The following PTPA variants were observed in gnomAD, a reference collection of about 807,000 sequenced individuals.
PTPA encodes the protein serine/threonine-protein phosphatase 2A activator.
A neutral mutation model predicts 43.6 loss-of-function variants in PTPA; 13 were observed. That is an observed-to-expected ratio of 0.30 (90% CI 0.19 to 0.47). PTPA has a LOEUF of 0.47. Among genes scored for constraint, PTPA ranks in the 20% least tolerant of loss-of-function variants. The probability of loss-of-function intolerance (pLI) is 0.99; values close to 1 mark genes in which losing one functional copy is unlikely to be tolerated. For missense variants in PTPA, 329 were observed against 411.9 expected, an observed-to-expected ratio of 0.80 and a Z score of 1.74; for synonymous variants, 172 against 158.2, an observed-to-expected ratio of 1.09 and a Z score of -0.66.
At chr9:129,114,884 C>A in intron 1 of PTPA, among the ~76,000 whole-genome samples, 1 of 152,176 alleles carries the variant, frequency 6.6e-6, no homozygotes, top group East Asian at 1.9e-4. Flanking sequence ...TGTGTTTCAT[C>A]AGTAATTTGT....
In PTPA at chr9:129,120,586, C is replaced by G. The variant is rs959552475; in HGVS notation, c.105C>G (p.Asp35Glu). 1.2e-6 allele frequency: 2 copies of G among 1,613,544 alleles called. No individual in the cohort carries two copies. Among genetic ancestry groups the G allele is most frequent in the Non-Finnish European group, 1.7e-6 (2 of 1,179,550 alleles). ...IPKKEIHTVPDMGKWKRSQAY... is the reference protein window; with the variant it reads ...IPKKEIHTVPEMGKWKRSQAY... ...AAAAGGAGATCCACACAGTTCCAGACATGGGCAAATGGAAGCGTTCTCAGG... is the reference window on the plus strand; with the variant it reads ...AAAAGGAGATCCACACAGTTCCAGAGATGGGCAAATGGAAGCGTTCTCAGG... Residue 35 changes from aspartate (D) to glutamate (E), a missense_variant, in exon 2 of 10, where the codon GAC (aspartate) becomes GAG (glutamate). Asp to Glu is a conservative substitution (Grantham distance 45, BLOSUM62 2). Coordinates refer to ENST00000393370, the MANE Select transcript of PTPA (RefSeq NM_178000.3).
chr9:129,143,006 T>A, intron 9 of PTPA: 1 of 1,199,434 alleles, frequency 8.3e-7, no homozygotes, highest in East Asian at 2.6e-5. Context: ...TGGTGGGAGG[T>A]CTGAGGGTAG....
chr9:129,124,131 C>T (rs1849428052), intron 3 of PTPA, among the ~76,000 whole-genome samples: 1 of 152,228 alleles, frequency 6.6e-6, no homozygotes, highest in South Asian at 2.1e-4. Flanking sequence ...GGCAGCCCCT[C>T]CTGACAGTGG....
At chr9:129,115,255 T>C in intron 1 of PTPA, among the ~76,000 whole-genome samples, 1 of 152,222 alleles carries the variant, frequency 6.6e-6, no homozygotes. Flanking sequence ...TTTGGCATCT[T>C]AGTTGAAGTG....
At chr9:129,126,969 A>G (rs1190691150) in intron 3 of PTPA, among the ~76,000 whole-genome samples, 1 of 152,072 alleles carries the variant, frequency 6.6e-6, no homozygotes, top group Non-Finnish European at 1.5e-5. Flanking sequence ...GGGGCTGACT[A>G]GTGCTTCCTG....
intron 7 of PTPA, among the ~76,000 whole-genome samples, chr9:129,137,238 C>T (rs1850432113): frequency 6.6e-6 from 1 of 152,240 alleles, no homozygotes; most frequent in Non-Finnish European, 1.5e-5. Context: ...TGCGAAGGGT[C>T]TGCCAGCATG....
At chr9:129,144,383 C>T (rs904469584) in intron 9 of PTPA, among the ~76,000 whole-genome samples, 1 of 152,068 alleles carries the variant, frequency 6.6e-6, no homozygotes, top group Non-Finnish European at 1.5e-5. Context: ...TTGAGGCCGG[C>T]GCTGTGTGGG....
At chr9:129,112,650 A>G (rs894477130) in intron 1 of PTPA, among the ~76,000 whole-genome samples, 6 of 152,206 alleles carry the variant, frequency 3.9e-5, no homozygotes, top group Non-Finnish European at 8.8e-5. Context: ...CCTTAGAACA[A>G]GGATGTCCAG....
intron 4 of PTPA, among the ~76,000 whole-genome samples, 178 bp from the exon 5 acceptor site, chr9:129,131,344 C>T (rs1230081524): frequency 6.6e-6 from 1 of 152,230 alleles, no homozygotes; most frequent in Non-Finnish European, 1.5e-5. Flanking sequence ...CCTGGGTAGT[C>T]TTCTGCTGTG....
In PTPA at chr9:129,147,832, A is replaced by G; in HGVS notation, c.*368A>G. Reference sequence around the variant, plus strand: ...CAGCACCGCAGGGAAGGGAGGAGAGATACCTGCTGCTTCCATTGCTTTTCC... The same window carrying G: ...CAGCACCGCAGGGAAGGGAGGAGAGGTACCTGCTGCTTCCATTGCTTTTCC... On this transcript the variant is annotated 3_prime_UTR_variant, in exon 10 of 10. Transcript: ENST00000393370. 4.2e-6 allele frequency: 1 copy of G among 238,080 alleles called. No individual in the cohort carries two copies. Among genetic ancestry groups the G allele is most frequent in the Non-Finnish European group, 8.4e-6 (1 of 119,084 alleles). The allele number at this position is 238,080 out of a possible 1,614,324, so 14.7% of individuals were successfully genotyped here.
chr9:129,117,426 C>T (rs552732400), intron 1 of PTPA, among the ~76,000 whole-genome samples: 5 of 152,106 alleles, frequency 3.3e-5, no homozygotes, highest in East Asian at 1.9e-4. Context: ...AAATTTGAGA[C>T]GGAGTCTTGC....
intron 3 of PTPA, among the ~76,000 whole-genome samples, chr9:129,127,730 G>C (rs1478304801): frequency 1.3e-5 from 2 of 152,178 alleles, no homozygotes; most frequent in Non-Finnish European, 2.9e-5. Flanking sequence ...GGTGTAGGGG[G>C]ATGGGCTCTC....
At chr9:129,120,693 C>T in intron 2 of PTPA, 83 bp downstream of exon 2, 1 of 1,212,894 alleles carries the variant, frequency 8.2e-7, no homozygotes, top group East Asian at 2.4e-5. Flanking sequence ...AGTTCCTGGC[C>T]CTTCTTGCTC....
chr9:129,143,401 C>T (rs1398576240), intron 9 of PTPA: 6 of 702,958 alleles, frequency 8.5e-6, no homozygotes, highest in African/African-American at 5.2e-5. Context: ...AGTTCATGGC[C>T]TCAGACACTG....
rs34643669 is a variant in PTPA at position 129,134,860 on chromosome 9, G to A, written c.526G>A (p.Asp176Asn). The change falls in exon 6 of 10, where the codon GAC becomes AAC. Residue 176 changes from aspartate to asparagine, a missense_variant. Asp to Asn is a conservative substitution (Grantham distance 23, BLOSUM62 1). Transcript: ENST00000393370. ...LCKIGVLRVD[D>N]QIAIVFKVFN... ...CAAGATTGGGGTGCTCCGGGTGGAT[G>A]ACCAAATAGCTATTGTCTTCAAGGT... is the stretch of plus-strand genomic sequence containing the variant. The A allele has an allele frequency of 9.3e-6, 15 of 1,613,854 alleles. No homozygotes were observed. The highest frequency in any genetic ancestry group is 1.2e-5 in the Non-Finnish European group (14 of 1,179,992).
chr9:129,128,230 G>A (rs1435809298), intron 3 of PTPA, among the ~76,000 whole-genome samples: 1 of 152,150 alleles, frequency 6.6e-6, no homozygotes. Context: ...TAACACAGAA[G>A]GGTATGTTAA....
intron 2 of PTPA, among the ~76,000 whole-genome samples, chr9:129,120,972 G>T (rs967258021): frequency 6.6e-6 from 1 of 152,216 alleles, no homozygotes; most frequent in Non-Finnish European, 1.5e-5. Flanking sequence ...GTGGCAGCCA[G>T]TGCCTCAAGG....
chr9:129,114,386 G>A (rs1042869988), intron 1 of PTPA, among the ~76,000 whole-genome samples: 4 of 152,126 alleles, frequency 2.6e-5, no homozygotes, highest in Non-Finnish European at 4.4e-5. Context: ...GGCTCTGCCT[G>A]GCAAGTCACA....
chr9:129,147,330 C>T, intron 9 of PTPA, 57 bp from the exon 10 acceptor site: 1 of 1,562,182 alleles, frequency 6.4e-7, no homozygotes, highest in Non-Finnish European at 8.8e-7. Context: ...TTGTTGGGGT[C>T]CTGGCAGGGG....
Sources: allele counts gnomAD v4.1 joint callset (sites outside exome capture counted in the v4.1 genomes callset), GRCh38; gene constraint gnomAD v4.1.1; transcripts MANE v1.5; gene names NCBI Gene and HGNC (gene_info 2026-07-23, HGNC 2026-07-21).